DISP1: variants seen among roughly 807,000 people sequenced by gnomAD.
DISP1 encodes the protein protein dispatched homolog 1.
Under a neutral mutation model 37.3 loss-of-function variants are expected in DISP1, and 30 were observed. The observed-to-expected ratio is 0.80, with a 90% CI of 0.60 to 1.09. The LOEUF (loss-of-function observed/expected upper bound fraction) is 1.09. Among genes scored for constraint, DISP1 ranks in the 50% least tolerant of loss-of-function variants. The probability of loss-of-function intolerance (pLI) is 0.00; values close to 1 mark genes in which losing one functional copy is unlikely to be tolerated. For missense variants in DISP1, 1,598 were observed against 1,879.5 expected (o/e 0.85, Z 2.77); for synonymous variants, 634 against 690.2 (o/e 0.92, Z 1.28).
chr1:222,991,881 T>C (rs1291079551), intron 6 of DISP1, 132 bp from the exon 7 acceptor site: 2 of 851,438 alleles, frequency 2.3e-6, no homozygotes, highest in Non-Finnish European at 3.8e-6. Flanking sequence ...GTTGGTTGCT[T>C]CTTCTAATCC....
At chr1:222,826,928 T>G (rs1664594136) in intron 1 of DISP1, among the ~76,000 whole-genome samples, 1 of 152,232 alleles carries the variant, frequency 6.6e-6, no homozygotes, top group Non-Finnish European at 1.5e-5. Context: ...AGCCCCTATT[T>G]AAGATTTCTA....
At chr1:222,900,143 A>G (rs184617666) in intron 1 of DISP1, among the ~76,000 whole-genome samples, 1 of 152,330 alleles carries the variant, frequency 6.6e-6, no homozygotes, top group Admixed American at 6.5e-5. Flanking sequence ...ATTAACATTA[A>G]TCAGTAGAAT....
chr1:222,826,955 A>G (rs72742221), intron 1 of DISP1, among the ~76,000 whole-genome samples: 5,329 of 152,124 alleles, frequency 0.035, 132 homozygotes, highest in Non-Finnish European at 0.055. Context: ...ACATTCCCCC[A>G]TGTTATTTTC....
chr1:222,898,657 G>T (rs187104369), intron 1 of DISP1, among the ~76,000 whole-genome samples: 47 of 151,732 alleles, frequency 3.1e-4, no homozygotes, highest in Non-Finnish European at 5.7e-4. Context: ...AATAATAACA[G>T]AAATTTTTTG....
chr1:222,820,546 T>C (rs1166795236), intron 1 of DISP1, among the ~76,000 whole-genome samples: 2 of 152,200 alleles, frequency 1.3e-5, no homozygotes, highest in Non-Finnish European at 2.9e-5. Flanking sequence ...TAAGGACTCC[T>C]TGGGGGATAG....
rs569656013 is a variant in DISP1 at position 222,985,872 on chromosome 1, CT to C, written c.539+2772del. Among the ~76,000 whole-genome samples the C allele has an allele frequency of 2.6e-5, 4 of 151,172 alleles. No homozygotes were observed. The South Asian group carries it at 8.4e-4, about 32-fold the overall frequency. On this transcript the variant is annotated intron_variant, in intron 4 of 8. Transcript: ENST00000675850. ...AAGAAAAAGAGTTGTATATTCTTTTCTTTTTTTTTAATTTTCTCAAACTTCA... is the reference window on the plus strand; with the variant it reads ...AAGAAAAAGAGTTGTATATTCTTTTCTTTTTTTTAATTTTCTCAAACTTCA...
intron 3 of DISP1, among the ~76,000 whole-genome samples, chr1:222,980,998 A>G (rs1677794311): frequency 6.6e-6 from 1 of 152,240 alleles, no homozygotes. Context: ...GGATCGCTGG[A>G]ACCCAAGAGG....
At position 222,891,240 on chromosome 1, in the gene DISP1, G is replaced by A. The variant is rs990371259; in HGVS notation, c.-158-37190G>A. On this transcript the variant is annotated intron_variant, in intron 1 of 8. Coordinates refer to ENST00000675850, the MANE Select transcript of DISP1 (RefSeq NM_001377229.1). ...AGAGGAAGAGTGAAGTGACAATTCC[G>A]GAGACATTTTGAAGGTAGAATAGAT... 5.9e-5 allele frequency among the ~76,000 whole-genome samples: 9 copies of A among 152,094 alleles called. 1 individual carries two copies. The East Asian group carries it at 1.5e-3, about 26-fold the overall frequency.
chr1:222,862,807 T>A (rs908263476), intron 1 of DISP1, among the ~76,000 whole-genome samples: 4 of 152,158 alleles, frequency 2.6e-5, no homozygotes, highest in Non-Finnish European at 5.9e-5. Context: ...GCAGGGATTA[T>A]AGTGTGAGCC....
chr1:222,938,463 G>C (rs1017069765), intron 2 of DISP1, among the ~76,000 whole-genome samples: 6 of 151,744 alleles, frequency 4.0e-5, no homozygotes, highest in Non-Finnish European at 7.4e-5. Flanking sequence ...GGCTGGGCAT[G>C]GTGGCTCATC....
At chr1:222,957,099 T>C (rs1675654645) in intron 3 of DISP1, among the ~76,000 whole-genome samples, 1 of 144,108 alleles carries the variant, frequency 6.9e-6, no homozygotes, top group Admixed American at 7.1e-5. Context: ...TAACCTGTCA[T>C]CCTTTTCAGA....
Position 222,818,350 on chromosome 1 carries a change from G to A in DISP1, c.-159+3272G>A, listed in dbSNP as rs536786668. Among the ~76,000 whole-genome samples, 12 of 152,228 alleles carry A rather than the reference G, an allele frequency of 7.9e-5. No individual in the cohort carries two copies. In the South Asian group the frequency reaches 2.1e-3, roughly 26 times the overall value. On this transcript the variant is annotated intron_variant, in intron 1 of 8. Transcript: ENST00000675850. Reference sequence around the variant, plus strand: ...GATGCACTCCTTTGTTACCTGGAGAGGGCTGGGAGGGGAATCCCTCCCACC... The same window carrying A: ...GATGCACTCCTTTGTTACCTGGAGAAGGCTGGGAGGGGAATCCCTCCCACC...
At chr1:222,881,884 A>G (rs1217745264) in intron 1 of DISP1, among the ~76,000 whole-genome samples, 1 of 152,220 alleles carries the variant, frequency 6.6e-6, no homozygotes, top group Non-Finnish European at 1.5e-5. Context: ...GTACCTTCAT[A>G]TATATTTATG....
chr1:223,005,695 A>G lies in DISP1; in HGVS notation c.4298A>G (p.Asn1433Ser). The G allele has an allele frequency of 6.2e-7, 1 of 1,614,158 alleles. No individual in the cohort carries two copies. The highest frequency in any genetic ancestry group is 2.2e-5 in the East Asian group (1 of 44,876). ...SNLESSGGTE[N>S]KAGGKVELSL... ...CTGGAGAGCAGTGGAGGGACTGAAA[A>G]CAAGGCAGGAGGGAAAGTGGAGCTG... is the stretch of plus-strand genomic sequence containing the variant. The change falls in exon 9 of 9, where the codon AAC becomes AGC. Residue 1433 changes from asparagine (N) to serine (S), a missense_variant. Transcript: ENST00000675850.
chr1:222,829,739 G>A (rs1665287023), intron 1 of DISP1, among the ~76,000 whole-genome samples: 5 of 152,012 alleles, frequency 3.3e-5, no homozygotes, highest in Admixed American at 2.0e-4. Context: ...ACTGTGCCCA[G>A]CCAAGAAATA....
intron 1 of DISP1, among the ~76,000 whole-genome samples, chr1:222,915,520 G>T (rs546854121): frequency 1.3e-5 from 2 of 152,190 alleles, no homozygotes; most frequent in Non-Finnish European, 2.9e-5. Context: ...TCCATACTTA[G>T]GTCATTAGAA....
chr1:222,874,773 T>G (rs761651225), intron 1 of DISP1, among the ~76,000 whole-genome samples: 7 of 152,216 alleles, frequency 4.6e-5, no homozygotes, highest in Non-Finnish European at 1.0e-4. Flanking sequence ...AAAGTCATTC[T>G]CCGTCCAGCT....
intron 1 of DISP1, among the ~76,000 whole-genome samples, chr1:222,824,664 G>A (rs1663846275): frequency 6.6e-6 from 1 of 151,450 alleles, no homozygotes; most frequent in South Asian, 2.1e-4. Flanking sequence ...ATCTAGCATA[G>A]TTGAAAGTAG....
chr1:222,823,810 T>C (rs1246738950), intron 1 of DISP1: 1 of 151,086 alleles, frequency 6.6e-6, no homozygotes, highest in Non-Finnish European at 1.5e-5. Context: ...ACGTTGTTGC[T>C]TCAGATTTCT....
Sources: gnomAD v4.1 joint callset for allele counts (sites outside exome capture counted in the v4.1 genomes callset) on GRCh38, gnomAD v4.1.1 for gene constraint, MANE v1.5 for transcripts, NCBI Gene and HGNC (gene_info 2026-07-23, HGNC 2026-07-21) for gene names.